GRIA4: variants seen among roughly 807,000 people sequenced by gnomAD.
GRIA4 encodes glutamate ionotropic receptor AMPA type subunit 4.
In GRIA4, 34 loss-of-function variants were observed where a neutral mutation model predicts 104.0. That is an observed-to-expected ratio of 0.33 (90% CI 0.25 to 0.44). The LOEUF is 0.44. GRIA4 is among the 20% of genes least tolerant of loss of function. The pLI, the probability that GRIA4 is intolerant of heterozygous loss-of-function variation, is 1.00. For synonymous variants in GRIA4, 386 were observed against 381.9 expected (o/e 1.01, Z -0.13); for missense variants, 750 against 1,096.5 (o/e 0.68, Z 4.46).
At chr11:105,618,533 A>G (rs949572393) in intron 3 of GRIA4, among the ~76,000 whole-genome samples, 2 of 151,994 alleles carry the variant, frequency 1.3e-5, no homozygotes, top group Non-Finnish European at 2.9e-5. Context: ...ATGTTTTTTC[A>G]GCCTTCTGGC....
intron 3 of GRIA4, among the ~76,000 whole-genome samples, chr11:105,696,896 C>A (rs1953299052): frequency 6.6e-6 from 1 of 152,004 alleles, no homozygotes. Flanking sequence ...CCCCAAATAG[C>A]TGGGATTATA....
At chr11:105,675,019 C>A (rs1318952733) in intron 3 of GRIA4, among the ~76,000 whole-genome samples, 1 of 151,782 alleles carries the variant, frequency 6.6e-6, no homozygotes, top group Non-Finnish European at 1.5e-5. Context: ...TTTTTAAGTA[C>A]TAAGAGAGCT....
At position 105,618,946 on chromosome 11, in the gene GRIA4, C is replaced by T. The variant is rs533284840; in HGVS notation, c.247+6512C>T. ...TTCATAGAAGCCAAAAGATAGGGAA[C>T]CTGTCAAGTAAACAGTGTTCAACCT... On this transcript the variant is annotated intron_variant, in intron 3 of 16. Coordinates refer to ENST00000282499, the MANE Select transcript of GRIA4 (RefSeq NM_000829.4). 2.6e-5 allele frequency among the ~76,000 whole-genome samples: 4 copies of T among 151,980 alleles called. No homozygotes were observed. The South Asian group carries it at 8.3e-4, about 32-fold the overall frequency.
At chr11:105,896,728 G>A (rs1266404624) in intron 6 of GRIA4, among the ~76,000 whole-genome samples, 1 of 151,990 alleles carries the variant, frequency 6.6e-6, no homozygotes, top group African/African-American at 2.4e-5. Context: ...GTAGGTATGT[G>A]ACTTTATTTC....
chr11:105,738,233 G>A (rs1939078356), intron 3 of GRIA4, among the ~76,000 whole-genome samples: 1 of 152,180 alleles, frequency 6.6e-6, no homozygotes, highest in South Asian at 2.1e-4. Context: ...AATACAATGA[G>A]GAATTATTCA....
chr11:105,724,989 C>G (rs1169895372), intron 3 of GRIA4, among the ~76,000 whole-genome samples: 3 of 152,124 alleles, frequency 2.0e-5, no homozygotes, highest in African/African-American at 7.2e-5. Flanking sequence ...GCATTTGAAT[C>G]TCATCTCTAC....
At chr11:105,644,297 C>T (rs1951458688) in intron 3 of GRIA4, among the ~76,000 whole-genome samples, 1 of 152,014 alleles carries the variant, frequency 6.6e-6, no homozygotes, top group Non-Finnish European at 1.5e-5. Context: ...GAGTCTAACA[C>T]TTTATCTTTT....
intron 3 of GRIA4, among the ~76,000 whole-genome samples, chr11:105,724,150 C>A (rs974240811): frequency 6.6e-6 from 1 of 151,988 alleles, no homozygotes; most frequent in African/African-American, 2.4e-5. Context: ...ATCTAGCAAT[C>A]CCACTACTGG....
chr11:105,739,341 A>G (rs961886504), intron 3 of GRIA4, among the ~76,000 whole-genome samples: 8 of 152,202 alleles, frequency 5.3e-5, no homozygotes, highest in African/African-American at 1.9e-4. Context: ...TTTTTAGCTC[A>G]GATGTCATAA....
In GRIA4 at chr11:105,688,150, C is replaced by CTCT. The variant is rs1952952021; in HGVS notation, c.248-64830_248-64829insCTT. ...TCTATATCTATATCTATATCTATAT[C>CTCT]TATATCTCTATCTATCTATCTATCT... On this transcript the variant is annotated intron_variant, in intron 3 of 16. Transcript: ENST00000282499. Among the ~76,000 whole-genome samples, 6 of 50,174 alleles carry CTCT rather than the reference C, an allele frequency of 1.2e-4. No homozygotes were observed. The East Asian group carries it at 3.0e-3, about 25-fold the overall frequency. 32.9% of individuals were successfully genotyped at this position (50,174 alleles called of 152,430 possible).
chr11:105,653,853 G>A (rs1213508891), intron 3 of GRIA4, among the ~76,000 whole-genome samples: 2 of 151,834 alleles, frequency 1.3e-5, no homozygotes, highest in Admixed American at 1.3e-4. Flanking sequence ...AGGTAGGAAG[G>A]TGGCATGAGA....
chr11:105,745,340 T>C (rs1043996915), intron 3 of GRIA4, among the ~76,000 whole-genome samples: 3 of 152,140 alleles, frequency 2.0e-5, no homozygotes, highest in Non-Finnish European at 4.4e-5. Flanking sequence ...GGGCTAGGAA[T>C]ATTATTACTC....
chr11:105,765,025 A>G (rs1295194719), intron 4 of GRIA4, among the ~76,000 whole-genome samples: 1 of 152,188 alleles, frequency 6.6e-6, no homozygotes, highest in Non-Finnish European at 1.5e-5. Flanking sequence ...CCAGAAGTAC[A>G]TGACCAAATT....
intron 4 of GRIA4, among the ~76,000 whole-genome samples, chr11:105,765,961 A>C (rs1940916318): frequency 6.6e-6 from 1 of 152,220 alleles, no homozygotes; most frequent in Non-Finnish European, 1.5e-5. Context: ...TTTGCATAGT[A>C]TGAAAATACC....
chr11:105,943,460 A>G (rs566005295), intron 14 of GRIA4, among the ~76,000 whole-genome samples: 1 of 152,256 alleles, frequency 6.6e-6, no homozygotes, highest in South Asian at 2.1e-4. Flanking sequence ...ATATCTAGGT[A>G]TGATTTTAAA....
Position 105,981,724 on chromosome 11 carries a change from C to T in GRIA4, c.*1985C>T, listed in dbSNP as rs1230891666. 2 of 152,690 alleles carry T rather than the reference C, an allele frequency of 1.3e-5. No homozygotes were observed. Among genetic ancestry groups the T allele is most frequent in the African/African-American group, 4.8e-5 (2 of 41,442 alleles). The allele number at this position is 152,690 out of a possible 1,614,324, so 9.5% of individuals were successfully genotyped here. On this transcript the variant is annotated 3_prime_UTR_variant, in exon 17 of 17. Coordinates refer to ENST00000282499, the MANE Select transcript of GRIA4 (RefSeq NM_000829.4). Reference sequence around the variant, plus strand: ...CCCGTCAGCAAATGAACCTCCAAAGCAGCACATGGAGCACTGCATAGACTA... The same window carrying T: ...CCCGTCAGCAAATGAACCTCCAAAGTAGCACATGGAGCACTGCATAGACTA...
chr11:105,766,297 T>A (rs1183070701), intron 4 of GRIA4, among the ~76,000 whole-genome samples: 1 of 152,174 alleles, frequency 6.6e-6, no homozygotes, highest in South Asian at 2.1e-4. Flanking sequence ...GTAAGAGATA[T>A]GTCTATGAAG....
chr11:105,839,247 T>C lies in GRIA4; in HGVS notation c.488-22777T>C, dbSNP rs1436876655. ...CCACTTTGTATGGAAGATGTTTATG[T>C]ACCTGTCATCTTTGTGGCTATTGAG... is the stretch of plus-strand genomic sequence containing the variant. On this transcript the variant is annotated intron_variant, in intron 4 of 16. Transcript: ENST00000282499. 4.6e-5 allele frequency among the ~76,000 whole-genome samples: 7 copies of C among 152,340 alleles called. No homozygotes were observed. The East Asian group carries it at 1.4e-3, about 29-fold the overall frequency.
chr11:105,953,827 CTT>C (rs1948520163), intron 14 of GRIA4, among the ~76,000 whole-genome samples: 1 of 151,660 alleles, frequency 6.6e-6, no homozygotes, highest in South Asian at 2.1e-4. Context: ...AAAAAAAAGA[CTT>C]TTTCTTAGGG....
Sources: allele counts gnomAD v4.1 joint callset (sites outside exome capture counted in the v4.1 genomes callset), GRCh38; gene constraint gnomAD v4.1.1; transcripts MANE v1.5; gene names NCBI Gene and HGNC (gene_info 2026-07-23, HGNC 2026-07-21).